Variants in SIRT3 observed in about 807,000 individuals in gnomAD.
The protein encoded by SIRT3 is NAD-dependent protein deacetylase sirtuin-3, mitochondrial.
A neutral mutation model predicts 33.5 loss-of-function variants in SIRT3; 26 were observed. That is an observed-to-expected ratio of 0.78 (90% CI 0.57 to 1.08). SIRT3 has a LOEUF of 1.08. Among genes scored for constraint, SIRT3 ranks in the 50% least tolerant of loss-of-function variants. SIRT3 has a pLI of 0.00. For missense variants in SIRT3, 585 were observed against 530.1 expected, an observed-to-expected ratio of 1.10 and a Z score of -1.02; for synonymous variants, 237 against 222.1, an observed-to-expected ratio of 1.07 and a Z score of -0.60.
At chr11:236,838 C>G, upstream of SIRT3, 1 of 588,110 alleles carries the variant, frequency 1.7e-6, no homozygotes. Context: ...GCCAAGTGCG[C>G]GGGAAGTGGG....
chr11:230,904 A>C (rs1857873917), intron 3 of SIRT3, among the ~76,000 whole-genome samples: 1 of 152,216 alleles, frequency 6.6e-6, no homozygotes, highest in African/African-American at 2.4e-5. Flanking sequence ...TGGGCAGATC[A>C]TTTGAGGCTA....
intron 6 of SIRT3, 181 bp downstream of exon 6, chr11:218,651 T>C (rs555885928): frequency 1.7e-6 from 2 of 1,145,718 alleles, no homozygotes; most frequent in African/African-American, 3.1e-5. Flanking sequence ...TTTCCTCATC[T>C]CTAAATGGAG....
chr11:233,089 G>A lies in SIRT3; in HGVS notation c.600C>T (p.Tyr200=), dbSNP rs1230008989. The A allele has an allele frequency of 8.7e-6, 14 of 1,614,190 alleles. No individual in the cohort carries two copies. Among genetic ancestry groups the A allele is most frequent in the Non-Finnish European group, 1.2e-5 (14 of 1,180,040 alleles). The change falls in exon 3 of 7, where the codon TAC becomes TAT. Residue 200 remains tyrosine, a synonymous_variant. Coordinates refer to ENST00000382743, the MANE Select transcript of SIRT3 (RefSeq NM_012239.6). The part of the protein sequence containing the change: ...KPFFTLAKEL[Y]PGNYKPNVTH... Reference sequence around the variant, plus strand: ...TGACGTTGGGCTTGTAGTTTCCAGGGTACAGCTCCTTGGCCAAAGTGAAAA... The same window carrying A: ...TGACGTTGGGCTTGTAGTTTCCAGGATACAGCTCCTTGGCCAAAGTGAAAA...
chr11:217,429 A>C (rs914710901), intron 6 of SIRT3, among the ~76,000 whole-genome samples: 14 of 152,238 alleles, frequency 9.2e-5, no homozygotes, highest in Admixed American at 6.5e-5. Flanking sequence ...AGCTTGGGCA[A>C]CAAGAGTGAA....
chr11:219,376 C>A (rs1462716186), intron 5 of SIRT3, among the ~76,000 whole-genome samples: 2 of 152,230 alleles, frequency 1.3e-5, no homozygotes, highest in South Asian at 2.1e-4. Flanking sequence ...GTCCTCCCCA[C>A]CTCGCTGTCT....
chr11:233,412 C>G lies in SIRT3; in HGVS notation c.404G>C (p.Arg135Thr). 1 of 1,614,144 alleles carries G rather than the reference C, an allele frequency of 6.2e-7. No individual in the cohort carries two copies. Among genetic ancestry groups the G allele is most frequent in the Non-Finnish European group, 8.5e-7 (1 of 1,180,026 alleles). Residue 135 changes from arginine (R) to threonine (T), a missense_variant, in exon 2 of 7, where the codon AGA becomes ACA. By Grantham distance (71) the Arg-to-Thr change is moderately conservative. Transcript: ENST00000382743. The part of the protein sequence containing the change: ...LQDVAELIRA[R>T]ACQRVVVMVG... ...CATGACCACCACCCTCTGGCAGGCT[C>G]TGGCCCGAATCAGCTCAGCTACATC...
chr11:216,752 T>G (rs200096359), intron 6 of SIRT3, 34 bp from the exon 7 acceptor site: 3 of 1,613,562 alleles, frequency 1.9e-6, no homozygotes, highest in Non-Finnish European at 2.5e-6. Flanking sequence ...ATCAGCTATC[T>G]GTTTACACAC....
At chr11:228,727 A>G (rs1857496927) in intron 4 of SIRT3, among the ~76,000 whole-genome samples, 1 of 152,250 alleles carries the variant, frequency 6.6e-6, no homozygotes, top group African/African-American at 2.4e-5. Context: ...GAGAAAATAA[A>G]TAGACAAACT....
In SIRT3 at chr11:233,081, T is replaced by C. The variant is rs1310522833; in HGVS notation, c.608A>G (p.Asn203Ser). ...FTLAKELYPG[N>S]YKPNVTHYFL... ...GTAGTGAGTGACGTTGGGCTTGTAG[T>C]TTCCAGGGTACAGCTCCTTGGCCAA... Residue 203 changes from asparagine to serine, a missense_variant, in exon 3 of 7, where the codon AAC (asparagine) becomes AGC (serine). By Grantham distance (46) the Asn-to-Ser change is conservative. Transcript: ENST00000382743. 2.5e-6 allele frequency: 4 copies of C among 1,614,012 alleles called. No individual in the cohort carries two copies. Among genetic ancestry groups the C allele is most frequent in the South Asian group, 1.1e-5 (1 of 91,084 alleles).
intron 5 of SIRT3, among the ~76,000 whole-genome samples, chr11:221,779 C>A (rs984012788): frequency 1.3e-5 from 2 of 152,184 alleles, no homozygotes; most frequent in Non-Finnish European, 2.9e-5. Context: ...GCATTAACAA[C>A]GCAGCACATC....
intron 6 of SIRT3, among the ~76,000 whole-genome samples, chr11:218,590 C>T (rs554073460): frequency 6.6e-6 from 1 of 152,334 alleles, no homozygotes; most frequent in African/African-American, 2.4e-5. Flanking sequence ...AATACAGACT[C>T]ATCAGCCCTG....
At chr11:236,377 C>CCCGCCCGCGGCGCT (rs1386026855), upstream of SIRT3, 380 of 1,178,706 alleles carry the variant, frequency 3.2e-4, 4 homozygotes, top group African/African-American at 5.6e-3. Flanking sequence ...CCCCCGGCGC[C>CCCGCCCGCGGCGCT]CCGGCCCCGC....
Position 223,569 on chromosome 11 carries a change from A to G in SIRT3, c.969+509T>C, listed in dbSNP as rs1856719889. On this transcript the variant is annotated intron_variant, in intron 5 of 6. Coordinates refer to ENST00000382743, the MANE Select transcript of SIRT3 (RefSeq NM_012239.6). The surrounding 1 kb of genome is among the most constrained non-coding windows in gnomAD (Gnocchi z 4.8). ...TCACTCCTCCCACTGCAGCATCAGT[A>G]TTCCTGATCTGACCTGGGAGGCCCT... The G allele has an allele frequency of 2.4e-6, 1 of 409,984 alleles. No individual in the cohort carries two copies. The highest frequency in any genetic ancestry group is 3.6e-5 in the Admixed American group (1 of 28,128). 25.4% of individuals were successfully genotyped at this position (409,984 alleles called of 1,614,324 possible). A position where few individuals can be genotyped will look rare whatever the true frequency, so the allele number is the denominator to read the frequency against.
intron 2 of SIRT3, 24 bp downstream of exon 2, chr11:233,319 G>A (rs1223118722): frequency 1.9e-6 from 3 of 1,608,474 alleles, no homozygotes; most frequent in East Asian, 4.5e-5. Context: ...GAGCGCAGAA[G>A]GCAGGTGGGA....
upstream of SIRT3, chr11:236,808 T>C: frequency 1.8e-6 from 1 of 569,146 alleles, no homozygotes; most frequent in Non-Finnish European, 3.1e-6. Flanking sequence ...GCCCACACTC[T>C]TTGACGCCTC....
intron 3 of SIRT3, among the ~76,000 whole-genome samples, chr11:232,516 T>G (rs1469641497): frequency 6.6e-6 from 1 of 152,196 alleles, no homozygotes; most frequent in Admixed American, 6.5e-5. Flanking sequence ...GTGAGAGATT[T>G]GCTTCAAAAT....
intron 5 of SIRT3, among the ~76,000 whole-genome samples, chr11:220,345 A>AG (rs1424139305): frequency 4.7e-5 from 7 of 149,378 alleles, no homozygotes; most frequent in African/African-American, 1.7e-4. Flanking sequence ...AAAAAAAAAA[A>AG]AAAAAGAAAG....
chr11:232,480 G>A (rs2133931787), intron 3 of SIRT3, among the ~76,000 whole-genome samples: 1 of 152,208 alleles, frequency 6.6e-6, no homozygotes, highest in South Asian at 2.1e-4. Context: ...TGTGTTTATA[G>A]ATTATTTCTA....
Position 233,088 on chromosome 11 carries a change from G to T in SIRT3, c.601C>A (p.Pro201Thr), listed in dbSNP as rs779362647. The change falls in exon 3 of 7, where the codon CCT (proline) becomes ACT (threonine). Residue 201 changes from proline (P) to threonine (T), a missense_variant. Pro to Thr is a conservative substitution (Grantham distance 38). Transcript: ENST00000382743. ...PFFTLAKELYPGNYKPNVTHY... is the reference protein window; with the variant it reads ...PFFTLAKELYTGNYKPNVTHY... ...GTGACGTTGGGCTTGTAGTTTCCAG[G>T]GTACAGCTCCTTGGCCAAAGTGAAA... 3 of 1,614,144 alleles carry T rather than the reference G, an allele frequency of 1.9e-6. No individual in the cohort carries two copies. The Admixed American group carries it at 5.0e-5, about 27-fold the overall frequency.
Sources: allele counts gnomAD v4.1 joint callset (sites outside exome capture counted in the v4.1 genomes callset), GRCh38; gene constraint gnomAD v4.1.1; non-coding constraint Gnocchi (gnomAD v3.1); transcripts MANE v1.5; gene names NCBI Gene and HGNC (gene_info 2026-07-23, HGNC 2026-07-21).